RCC2: variants seen among roughly 807,000 people sequenced by gnomAD.
RCC2 encodes the protein protein RCC2.
In RCC2, 19 loss-of-function variants were observed where a neutral mutation model predicts 64.1. The observed-to-expected ratio is 0.30, with a 90% CI of 0.21 to 0.44. RCC2 has a LOEUF of 0.44. Ranked by LOEUF, RCC2 falls within the 20% of genes least tolerant of loss-of-function variation. RCC2 has a pLI of 1.00. For missense variants in RCC2, 508 were observed against 710.4 expected, an observed-to-expected ratio of 0.72 and a Z score of 3.24; for synonymous variants, 325 against 279.6, an observed-to-expected ratio of 1.16 and a Z score of -1.62.
rs1425200905 is a variant in RCC2, at chr1:17,438,008, G to T, written c.285+222C>A. On this transcript the variant is annotated intron_variant, in intron 2 of 12. Coordinates refer to ENST00000375436, the MANE Select transcript of RCC2 (RefSeq NM_018715.4). ...CGCGCCCCAACCGCCAACCGCCCGCGCGGTGCCCGGGGTCGGGTAGGCCGC... is the reference window on the plus strand; with the variant it reads ...CGCGCCCCAACCGCCAACCGCCCGCTCGGTGCCCGGGGTCGGGTAGGCCGC... Among the ~76,000 whole-genome samples the T allele has an allele frequency of 8.6e-4, 125 of 145,194 alleles. 1 individual carries two copies. In the East Asian group the frequency reaches 0.024, roughly 28 times the overall value.
At chr1:17,429,273 A>C in intron 2 of RCC2, 74 bp from the exon 3 acceptor site, 1 of 1,167,534 alleles carries the variant, frequency 8.6e-7, no homozygotes, top group Non-Finnish European at 1.3e-6. Context: ...GTCCAATGAC[A>C]GCACGAAACG....
chr1:17,408,789 T>TAAAA lies in RCC2; in HGVS notation c.*297_*300dup. Reference sequence around the variant, plus strand: ...TCAGGAGAGGAAGAAAGAAAAAACTTAAAAAAAAAAAAAACCTAGATTGCT... The same window carrying TAAAA: ...TCAGGAGAGGAAGAAAGAAAAAACTTAAAAAAAAAAAAAAAAAACCTAGATTGCT... On this transcript the variant is annotated 3_prime_UTR_variant, in exon 13 of 13. Transcript: ENST00000375436. The TAAAA allele has an allele frequency of 1.2e-5, 3 of 256,956 alleles. No individual in the cohort carries two copies. Among genetic ancestry groups the TAAAA allele is most frequent in the Non-Finnish European group, 2.2e-5 (3 of 138,624 alleles). 15.9% of individuals were successfully genotyped at this position (256,956 alleles called of 1,614,324 possible). A position where few individuals can be genotyped will look rare whatever the true frequency, so the allele number is the denominator to read the frequency against.
chr1:17,427,236 G>T (rs920969970), intron 3 of RCC2, among the ~76,000 whole-genome samples: 1 of 152,166 alleles, frequency 6.6e-6, no homozygotes, highest in African/African-American at 2.4e-5. Context: ...TGTGAAGTAC[G>T]TTCCAGCCCC....
Position 17,412,138 on chromosome 1 carries a change from G to A in RCC2, c.1370C>T (p.Pro457Leu). The A allele has an allele frequency of 1.2e-6, 2 of 1,614,144 alleles. No individual in the cohort carries two copies. Among genetic ancestry groups the A allele is most frequent in the Non-Finnish European group, 1.7e-6 (2 of 1,180,012 alleles). Residue 457 changes from proline (P) to leucine (L), a missense_variant, in exon 11 of 13, where the codon CCG (proline) becomes CTG (leucine). Transcript: ENST00000375436. ...ACAGCTTACCAGTTCCCCAAAGGTC[G>A]GTGACGGACCCCAGCTGATGGTGCT... ...DESTISWGPS[P>L]TFGELGYGDH...
At chr1:17,428,890 C>T (rs1047899567) in intron 3 of RCC2, among the ~76,000 whole-genome samples, 4 of 152,170 alleles carry the variant, frequency 2.6e-5, no homozygotes, top group South Asian at 2.1e-4. Flanking sequence ...TTAATCTTAA[C>T]GGAATTAGTG....
intron 2 of RCC2, 108 bp downstream of exon 2, chr1:17,438,122 A>T: frequency 1.2e-6 from 1 of 825,278 alleles, no homozygotes; most frequent in Non-Finnish European, 1.5e-6. Context: ...GGCCGCCGGG[A>T]GGGAGCGTGA....
chr1:17,422,970 CCA>C, intron 4 of RCC2, 134 bp from the exon 5 acceptor site: 1 of 1,189,678 alleles, frequency 8.4e-7, no homozygotes, highest in Non-Finnish European at 1.2e-6. Context: ...TTCCCAACAG[CCA>C]AGATCCAGAG....
At chr1:17,420,281 G>T (rs1366218120) in intron 7 of RCC2, among the ~76,000 whole-genome samples, 1 of 152,182 alleles carries the variant, frequency 6.6e-6, no homozygotes, top group African/African-American at 2.4e-5. Context: ...CGGGGAGGGG[G>T]TCCACCAGGG....
At position 17,438,479 on chromosome 1, in the gene RCC2, C is replaced by T. The variant is rs756343564; in HGVS notation, c.36G>A (p.Glu12=). 35 of 1,343,686 alleles carry T rather than the reference C, an allele frequency of 2.6e-5. No individual in the cohort carries two copies. The highest frequency in any genetic ancestry group is 2.9e-5 in the Non-Finnish European group (30 of 1,051,250). 83.2% of individuals were successfully genotyped at this position (1,343,686 alleles called of 1,614,324 possible). ...PRKKAAAAAW[E]EPSSGNGTAR... is the part of the protein sequence containing the mutation. ...CAGTGCCGTTGCCCGAGCTCGGCTCCTCCCAGGCCGCCGCCGCCGCCTTCT... is the reference window on the plus strand; with the variant it reads ...CAGTGCCGTTGCCCGAGCTCGGCTCTTCCCAGGCCGCCGCCGCCGCCTTCT... The change falls in exon 2 of 13, where the codon GAG becomes GAA. Residue 12 remains glutamate (E), a synonymous_variant. Coordinates refer to ENST00000375436, the MANE Select transcript of RCC2 (RefSeq NM_018715.4).
At chr1:17,436,881 G>A (rs557330067) in intron 2 of RCC2, among the ~76,000 whole-genome samples, 2 of 152,310 alleles carry the variant, frequency 1.3e-5, no homozygotes, top group Admixed American at 6.5e-5. Context: ...GACGTCAAAG[G>A]AAAACAGTTC....
At position 17,416,618 on chromosome 1, in the gene RCC2, G is replaced by A. The variant is rs1220908378; in HGVS notation, c.888C>T (p.Ala296=). Reference sequence around the variant, plus strand: ...AGTCGTACTCTATCCGCTGTGCCCGGGCGATGAACTTCCCATCTGAGTTGT... The same window carrying A: ...AGTCGTACTCTATCCGCTGTGCCCGAGCGATGAACTTCCCATCTGAGTTGT... ...LGHNSDGKFI[A]RAQRIEYDCE... Residue 296 remains alanine (A), a synonymous_variant, in exon 8 of 13, where the codon GCC becomes GCT. Coordinates refer to ENST00000375436, the MANE Select transcript of RCC2 (RefSeq NM_018715.4). The A allele has an allele frequency of 6.2e-7, 1 of 1,613,570 alleles. No homozygotes were observed. The highest frequency in any genetic ancestry group is 1.7e-5 in the Admixed American group (1 of 59,994).
intron 2 of RCC2, among the ~76,000 whole-genome samples, chr1:17,431,361 T>TAAAA (rs2075677582): frequency 3.7e-5 from 1 of 26,760 alleles, no homozygotes; most frequent in East Asian, 1.1e-3. Context: ...AAAAAAAAAA[T>TAAAA]ATATATATAT....
In RCC2 at chr1:17,420,751, G is replaced by A. The variant is rs1217848152; in HGVS notation, c.822C>T (p.Asn274=). 2 of 1,610,810 alleles carry A rather than the reference G, an allele frequency of 1.2e-6. No homozygotes were observed. Among genetic ancestry groups the A allele is most frequent in the Non-Finnish European group, 1.7e-6 (2 of 1,179,082 alleles). Residue 274 remains asparagine (N), a synonymous_variant, in exon 7 of 13, where the codon AAC becomes AAT. Transcript: ENST00000375436. ...ATTCAGGGCACCCAAAGGAATAGAGGTTTCCTTTGCAGTCCATTATCATAC... is the reference window on the plus strand; with the variant it reads ...ATTCAGGGCACCCAAAGGAATAGAGATTTCCTTTGCAGTCCATTATCATAC... The part of the protein sequence containing the change: ...EFSMIMDCKG[N]LYSFGCPEYG...
chr1:17,417,762 G>GGC (rs1344188764), intron 7 of RCC2, among the ~76,000 whole-genome samples: 1 of 151,918 alleles, frequency 6.6e-6, no homozygotes, highest in Non-Finnish European at 1.5e-5. Flanking sequence ...CCCTCCATAC[G>GGC]GCACGCTGGT....
intron 2 of RCC2, among the ~76,000 whole-genome samples, chr1:17,431,405 G>A (rs1458472085): frequency 5.0e-5 from 5 of 100,680 alleles, no homozygotes; most frequent in South Asian, 3.4e-4. Flanking sequence ...GGTGGCTCAC[G>A]CCTGTCATCT....
Position 17,438,265 on chromosome 1 carries a change from C to T in RCC2, c.250G>A (p.Val84Ile), listed in dbSNP as rs1423740058. ...TTGGTGTGCTCGGGTTCGGTGATGA[C>T]CACGGCCGCGCCGCCCGCCTTGCCT... is the stretch of plus-strand genomic sequence containing the variant. ...TAGKAGGAAV[V>I]ITEPEHTKER... The change falls in exon 2 of 13, where the codon GTC becomes ATC. Residue 84 changes from valine to isoleucine, a missense_variant. Val to Ile is a conservative substitution (Grantham distance 29). This residue lies in a region of RCC2 where 195 missense variants were observed against 158.3 expected (regional missense o/e 1.23). Coordinates refer to ENST00000375436, the MANE Select transcript of RCC2 (RefSeq NM_018715.4). 1.5e-6 allele frequency: 2 copies of T among 1,327,018 alleles called. No homozygotes were observed. The allele number at this position is 1,327,018 out of a possible 1,614,324, so 82.2% of individuals were successfully genotyped here. A position where few individuals can be genotyped will look rare whatever the true frequency, so the allele number is the denominator to read the frequency against.
intron 11 of RCC2, 21 bp downstream of exon 11, chr1:17,412,101 C>T (rs373162219): frequency 6.2e-7 from 1 of 1,613,318 alleles, no homozygotes; most frequent in Non-Finnish European, 8.5e-7. Context: ...CTTCCCCTGA[C>T]CCGCACAGGT....
intron 11 of RCC2, 148 bp downstream of exon 11, chr1:17,411,974 A>G: frequency 1.4e-6 from 1 of 711,350 alleles, no homozygotes; most frequent in Non-Finnish European, 2.5e-6. Context: ...CATGGGACTC[A>G]ATCGTGTTGC....
At chr1:17,416,355 G>T in intron 8 of RCC2, 125 bp downstream of exon 8, 2 of 1,107,774 alleles carry the variant, frequency 1.8e-6, no homozygotes, top group African/African-American at 1.6e-5. Flanking sequence ...AAGCCCTCTT[G>T]AAGAAGCAAG....
Sources: allele counts gnomAD v4.1 joint callset (sites outside exome capture counted in the v4.1 genomes callset), GRCh38; gene constraint gnomAD v4.1.1; regional missense constraint gnomAD v4.1.1; transcripts MANE v1.5; gene names NCBI Gene and HGNC (gene_info 2026-07-23, HGNC 2026-07-21).